TNS1: variants seen among roughly 807,000 people sequenced by gnomAD.
The protein encoded by TNS1 is tensin 1.
In TNS1, 62 loss-of-function variants were observed where a neutral mutation model predicts 168.6. The ratio of observed to expected loss-of-function variants is 0.37; its 90% CI spans 0.30 to 0.45. The LOEUF is 0.45. TNS1 is among the 20% of genes least tolerant of loss of function. The probability of loss-of-function intolerance (pLI) is 1.00; values close to 1 mark genes in which losing one functional copy is unlikely to be tolerated. For missense variants in TNS1, 2,240 were observed against 2,339.4 expected, an observed-to-expected ratio of 0.96 and a Z score of 0.88; for synonymous variants, 934 against 933.2, an observed-to-expected ratio of 1.00 and a Z score of -0.02.
chr2:218,023,933 TTC>T (rs1258138269), intron 1 of TNS1, among the ~76,000 whole-genome samples: 1 of 150,372 alleles, frequency 6.7e-6, no homozygotes, highest in East Asian at 2.1e-4. Context: ...GTCAGCAGAC[TTC>T]AGAGAGTGAC....
chr2:217,958,030 A>ACACACACACACAC (rs1559387621), intron 3 of TNS1, among the ~76,000 whole-genome samples: 5 of 100,612 alleles, frequency 5.0e-5, no homozygotes, highest in African/African-American at 3.0e-4. Flanking sequence ...CACACACACA[A>ACACACACACACAC]AAGGAGGAGC....
intron 3 of TNS1, among the ~76,000 whole-genome samples, chr2:217,965,876 C>A (rs1039530271): frequency 6.6e-6 from 1 of 152,120 alleles, no homozygotes; most frequent in Non-Finnish European, 1.5e-5. Flanking sequence ...GACCTTCTGC[C>A]CTCCCCTGGT....
chr2:217,892,128 C>T (rs1024209279), intron 11 of TNS1, among the ~76,000 whole-genome samples: 5 of 152,172 alleles, frequency 3.3e-5, no homozygotes, highest in Admixed American at 2.0e-4. Context: ...GAGACAGAGT[C>T]TCCCTGTCTC....
intron 18 of TNS1, chr2:217,859,796 A>C (rs1243406312): frequency 6.8e-6 from 7 of 1,026,118 alleles, no homozygotes; most frequent in Non-Finnish European, 8.7e-6. Context: ...CATGCAGCTG[A>C]AAGGCAGGTG....
chr2:217,937,906 T>G (rs1956706077), intron 3 of TNS1, among the ~76,000 whole-genome samples: 1 of 151,986 alleles, frequency 6.6e-6, no homozygotes, highest in South Asian at 2.1e-4. Flanking sequence ...TCCCCACCCC[T>G]ATCCCCTAAC....
Position 217,801,046 on chromosome 2 carries a change from G to A in TNS1, c.*3413C>T, listed in dbSNP as rs1244280602. On this transcript the variant is annotated 3_prime_UTR_variant, in exon 33 of 33. Coordinates refer to ENST00000682258, the MANE Select transcript of TNS1 (RefSeq NM_001387777.1). ...CTCCTGGCCAGTCTCAGAAGACCCA[G>A]GGATCCTCAAAAACCAGGGGAGAAG... 6.6e-6 allele frequency: 1 copy of A among 152,036 alleles called. No homozygotes were observed. Among genetic ancestry groups the A allele is most frequent in the Admixed American group, 6.6e-5 (1 of 15,266 alleles). The allele number at this position is 152,036 out of a possible 1,614,324, so 9.4% of individuals were successfully genotyped here. A position where few individuals can be genotyped will look rare whatever the true frequency, so the allele number is the denominator to read the frequency against.
At chr2:217,845,907 C>T (rs570139748) in intron 19 of TNS1, among the ~76,000 whole-genome samples, 19 of 152,112 alleles carry the variant, frequency 1.2e-4, no homozygotes, top group Non-Finnish European at 2.9e-5. Flanking sequence ...ATTAGACTAG[C>T]GTGTCACTAA....
chr2:217,906,230 G>T, intron 6 of TNS1, 105 bp downstream of exon 6: 2 of 668,650 alleles, frequency 3.0e-6, no homozygotes, highest in Non-Finnish European at 5.4e-6. Context: ...CTAGAGAGAG[G>T]TAAAGGAAGC....
chr2:217,999,741 A>C (rs930833660), intron 1 of TNS1, among the ~76,000 whole-genome samples: 1 of 152,266 alleles, frequency 6.6e-6, no homozygotes, highest in Non-Finnish European at 1.5e-5. Flanking sequence ...TCCAGAGCTC[A>C]TGAGGACCCT....
At chr2:217,956,229 C>T (rs1957358977) in intron 3 of TNS1, among the ~76,000 whole-genome samples, 1 of 152,062 alleles carries the variant, frequency 6.6e-6, no homozygotes, top group South Asian at 2.1e-4. Context: ...TCTTGAACTC[C>T]TGGGCTAAAG....
chr2:217,900,907 G>C (rs970830717), intron 6 of TNS1, among the ~76,000 whole-genome samples: 2 of 152,206 alleles, frequency 1.3e-5, no homozygotes, highest in Admixed American at 1.3e-4. Flanking sequence ...CAAAAGGAGC[G>C]ATGAGAGTAA....
At position 217,830,098 on chromosome 2, in the gene TNS1, C is replaced by T. The variant is rs561781311; in HGVS notation, c.3373+1357G>A. ...CACAGAAGGACTCCAAGGGGAAGGC[C>T]GAGGCCCACCCTGCAAAGGACCCCA... On this transcript the variant is annotated intron_variant, in intron 22 of 32. Transcript: ENST00000682258. The T allele has an allele frequency of 3.6e-5, 24 of 658,466 alleles. No homozygotes were observed. The Admixed American group carries it at 3.8e-4, about 10-fold the overall frequency. The allele number at this position is 658,466 out of a possible 1,614,324, so 40.8% of individuals were successfully genotyped here.
Position 217,803,827 on chromosome 2 carries a change from A to C in TNS1, c.*632T>G, listed in dbSNP as rs1054489448. ...GACAAGCCGAGCTGTTTATAATTCG[A>C]GTGGATAAAGGCAGATCTAGATCAA... On this transcript the variant is annotated 3_prime_UTR_variant, in exon 33 of 33. Transcript: ENST00000682258. 13 of 152,866 alleles carry C rather than the reference A, an allele frequency of 8.5e-5. No homozygotes were observed. The highest frequency in any genetic ancestry group is 3.1e-4 in the African/African-American group (13 of 41,430). The allele number at this position is 152,866 out of a possible 1,614,324, so 9.5% of individuals were successfully genotyped here.
At chr2:217,875,106 A>G (rs999057999) in intron 18 of TNS1, among the ~76,000 whole-genome samples, 2 of 152,228 alleles carry the variant, frequency 1.3e-5, no homozygotes, top group Admixed American at 1.3e-4. Context: ...TGTGCAAGCC[A>G]TGGTGTCTTC....
rs778492034 is a variant in TNS1 at position 217,892,970 on chromosome 2, G to T, written c.760C>A (p.His254Asn). 3.1e-6 allele frequency: 5 copies of T among 1,614,216 alleles called. No individual in the cohort carries two copies. In the Admixed American group the frequency reaches 8.3e-5, roughly 27 times the overall value. The change falls in exon 11 of 33, where the codon CAC becomes AAC. Residue 254 changes from histidine to asparagine, a missense_variant. Around this residue, in one of 2 missense-constraint regions of TNS1, gnomAD observed 2,131 missense variants for 2,171.2 expected, o/e 0.98. Transcript: ENST00000682258. ...RIGVVIAAYM[H>N]YSNISASADQ... Reference sequence around the variant, plus strand: ...TACCTGGCAGAAATGTTGCTGTAGTGCATGTAAGCCGCGATGACAACTCCT... The same window carrying T: ...TACCTGGCAGAAATGTTGCTGTAGTTCATGTAAGCCGCGATGACAACTCCT...
rs1483044888 is a variant in TNS1 at position 217,813,533 on chromosome 2, C to G, written c.4861+152G>C. The G allele has an allele frequency of 4.9e-6, 6 of 1,236,246 alleles. No homozygotes were observed. The highest frequency in any genetic ancestry group is 6.7e-6 in the Non-Finnish European group (6 of 897,008). 76.6% of individuals were successfully genotyped at this position (1,236,246 alleles called of 1,614,324 possible). ...ATCGTCCTGCTTTCCCAATCTCTGA[C>G]CTCAACCATCACCAAGCCCAAGACA... On this transcript the variant is annotated intron_variant, in intron 26 of 32. Transcript: ENST00000682258. This position sits in a 1 kb window ranked among gnomAD's most constrained non-coding sequence, Gnocchi z 4.0.
chr2:217,973,749 G>C (rs998277883), intron 3 of TNS1, among the ~76,000 whole-genome samples: 7 of 152,220 alleles, frequency 4.6e-5, no homozygotes. Flanking sequence ...GGGCCACCGT[G>C]AGCCCTGCCC....
intron 1 of TNS1, among the ~76,000 whole-genome samples, chr2:217,999,659 A>T (rs1223545795): frequency 6.6e-6 from 1 of 152,244 alleles, no homozygotes. Flanking sequence ...CAGGTCAACC[A>T]AACTAGAGAG....
At chr2:217,969,520 A>T (rs1215085369) in intron 3 of TNS1, among the ~76,000 whole-genome samples, 1 of 152,048 alleles carries the variant, frequency 6.6e-6, no homozygotes, top group Non-Finnish European at 1.5e-5. Flanking sequence ...AGAAAAAAAA[A>T]ATTCAGATCT....
Sources: allele counts gnomAD v4.1 joint callset (sites outside exome capture counted in the v4.1 genomes callset), GRCh38; gene constraint gnomAD v4.1.1; regional missense constraint gnomAD v4.1.1; non-coding constraint Gnocchi (gnomAD v3.1); transcripts MANE v1.5; gene names NCBI Gene and HGNC (gene_info 2026-07-23, HGNC 2026-07-21).